The following GSE1 variants were observed in gnomAD, a reference collection of about 807,000 sequenced individuals.
The protein encoded by GSE1 is Gse1 coiled-coil protein.
In GSE1, 32 loss-of-function variants were observed where a neutral mutation model predicts 112.6. The observed-to-expected ratio is 0.28, with a 90% CI of 0.21 to 0.38. GSE1 has a LOEUF of 0.38. GSE1 is among the 10% of genes least tolerant of loss of function. The pLI is 1.00. For missense variants in GSE1, 2,348 were observed against 1,699.2 expected (o/e 1.38, Z -6.71); for synonymous variants, 1,115 against 735.6 (o/e 1.52, Z -8.35).
At chr16:85,637,837 C>T (rs2050129675) in intron 2 of GSE1, among the ~76,000 whole-genome samples, 1 of 152,222 alleles carries the variant, frequency 6.6e-6, no homozygotes, top group Admixed American at 6.5e-5. Context: ...GAGCACCAAG[C>T]CCCAGCGGGC....
chr16:85,521,309 C>A (rs962765990), intron 2 of GSE1, among the ~76,000 whole-genome samples: 1 of 152,198 alleles, frequency 6.6e-6, no homozygotes, highest in African/African-American at 2.4e-5. Flanking sequence ...AACCTCACCT[C>A]GCGCTCACCT....
intron 2 of GSE1, among the ~76,000 whole-genome samples, chr16:85,523,310 G>T (rs2052253739): frequency 6.6e-6 from 1 of 151,924 alleles, no homozygotes; most frequent in Non-Finnish European, 1.5e-5. Context: ...GCCTGTGGTT[G>T]TGCGTGCCCT....
chr16:85,634,147 C>T lies in GSE1; in HGVS notation c.226+15C>T, dbSNP rs771961427. Reference sequence around the variant, plus strand: ...GGAGCCCAGAGGTAAGGGGGCCCGCCAGGCTGCGCGTGGGGGGAGCGGCGG... The same window carrying T: ...GGAGCCCAGAGGTAAGGGGGCCCGCTAGGCTGCGCGTGGGGGGAGCGGCGG... On this transcript the variant is annotated intron_variant, in intron 2 of 15. Transcript: ENST00000253458. 21 of 1,436,340 alleles carry T rather than the reference C, an allele frequency of 1.5e-5. 1 individual carries two copies. The South Asian group carries it at 2.8e-4, about 19-fold the overall frequency. 89.0% of individuals were successfully genotyped at this position (1,436,340 alleles called of 1,614,324 possible). A position where few individuals can be genotyped will look rare whatever the true frequency, so the allele number is the denominator to read the frequency against.
Position 85,539,046 on chromosome 16 carries a change from C to T in GSE1, c.2465-94868C>T, listed in dbSNP as rs182051956. Reference sequence around the variant, plus strand: ...GTGCCCCTGCACAGTGCCAGCCCCGCGGGGCATGGCTCACCTTCCCCTGCC... The same window carrying T: ...GTGCCCCTGCACAGTGCCAGCCCCGTGGGGCATGGCTCACCTTCCCCTGCC... On this transcript the variant is annotated intron_variant, in intron 2 of 2. Coordinates refer to the GSE1 transcript ENST00000637419. Among the ~76,000 whole-genome samples the T allele has an allele frequency of 2.7e-3, 413 of 152,366 alleles. 2 individuals carry two copies. Among genetic ancestry groups the T allele is most frequent in the Middle Eastern group, 0.01 (3 of 294 alleles).
chr16:85,265,448 A>G (rs1908139390), intron 1 of GSE1, among the ~76,000 whole-genome samples: 2 of 152,088 alleles, frequency 1.3e-5, no homozygotes, highest in South Asian at 2.1e-4. Flanking sequence ...CACCCTGTGG[A>G]CCTCACTGCT....
intron 2 of GSE1, among the ~76,000 whole-genome samples, chr16:85,514,722 C>T (rs550401318): frequency 2.0e-5 from 3 of 152,268 alleles, no homozygotes; most frequent in Admixed American, 1.3e-4. Flanking sequence ...GATCACACGT[C>T]CAGGCCCCGA....
At chr16:85,239,615 G>C (rs1391631935) in intron 1 of GSE1, among the ~76,000 whole-genome samples, 1 of 152,222 alleles carries the variant, frequency 6.6e-6, no homozygotes, top group Admixed American at 6.5e-5. Context: ...CAGGAGATGA[G>C]GCTGGGAGAG....
chr16:85,290,023 G>A (rs1207683271), intron 1 of GSE1, among the ~76,000 whole-genome samples: 1 of 152,192 alleles, frequency 6.6e-6, no homozygotes, highest in Non-Finnish European at 1.5e-5. Flanking sequence ...GAAGGCCGGG[G>A]AGCAGAGGTC....
chr16:85,627,069 TTTTTTTTA>T (rs1229190024), intron 1 of GSE1, among the ~76,000 whole-genome samples: 1 of 105,876 alleles, frequency 9.4e-6, no homozygotes, highest in African/African-American at 4.3e-5. Flanking sequence ...TTTTTTTTTT[TTTTTTTTA>T]AAGCATTGTG....
chr16:85,646,762 G>T (rs996667185), intron 2 of GSE1, among the ~76,000 whole-genome samples: 2 of 152,102 alleles, frequency 1.3e-5, no homozygotes, highest in African/African-American at 4.8e-5. Context: ...CCTGGGCTTC[G>T]TCAGGCTGGG....
intron 2 of GSE1, among the ~76,000 whole-genome samples, chr16:85,492,837 C>T (rs2051053245): frequency 1.3e-5 from 2 of 152,142 alleles, no homozygotes; most frequent in Non-Finnish European, 2.9e-5. Flanking sequence ...CATGTTCATC[C>T]TAGGAGTATT....
At chr16:85,440,738 C>T (rs1384689336) in intron 2 of GSE1, among the ~76,000 whole-genome samples, 2 of 152,188 alleles carry the variant, frequency 1.3e-5, no homozygotes, top group Admixed American at 1.3e-4. Flanking sequence ...GGGGGCACAG[C>T]GCGGCCTGGA....
chr16:85,295,589 G>C (rs941455808), intron 1 of GSE1, among the ~76,000 whole-genome samples: 1 of 152,100 alleles, frequency 6.6e-6, no homozygotes, highest in South Asian at 2.1e-4. Flanking sequence ...TGTCACTTCT[G>C]TTGCACTCTC....
At chr16:85,302,474 C>G (rs966891798) in intron 1 of GSE1, among the ~76,000 whole-genome samples, 1 of 151,618 alleles carries the variant, frequency 6.6e-6, no homozygotes. Flanking sequence ...ACACACACAC[C>G]GATAGTACTG....
At chr16:85,422,343 G>T (rs999570052) in intron 2 of GSE1, among the ~76,000 whole-genome samples, 15 of 151,804 alleles carry the variant, frequency 9.9e-5, no homozygotes, top group Admixed American at 4.6e-4. Flanking sequence ...ACAGTAAGAG[G>T]CTCTGCGGGA....
chr16:85,256,528 G>C (rs570603557), intron 1 of GSE1, among the ~76,000 whole-genome samples: 189 of 152,336 alleles, frequency 1.2e-3, no homozygotes, highest in African/African-American at 4.4e-3. Flanking sequence ...GGCCGCCCAG[G>C]CACGTTCCTT....
At chr16:85,216,315 G>A (rs1467167760) in intron 1 of GSE1, among the ~76,000 whole-genome samples, 1 of 152,160 alleles carries the variant, frequency 6.6e-6, no homozygotes, top group Non-Finnish European at 1.5e-5. Flanking sequence ...GACTTGGGAG[G>A]ATCACTTGGG....
intron 2 of GSE1, among the ~76,000 whole-genome samples, chr16:85,382,717 A>G (rs893878753): frequency 6.6e-6 from 1 of 151,300 alleles, no homozygotes; most frequent in Non-Finnish European, 1.5e-5. Context: ...TCACACATGC[A>G]CACACACACA....
chr16:85,177,984 C>G (rs971414429), intron 1 of GSE1, among the ~76,000 whole-genome samples: 3 of 152,204 alleles, frequency 2.0e-5, no homozygotes, highest in African/African-American at 7.2e-5. Flanking sequence ...CAACGTGTGT[C>G]TGCCCTGGGC....
Sources: gnomAD v4.1 joint callset for allele counts (sites outside exome capture counted in the v4.1 genomes callset) on GRCh38, gnomAD v4.1.1 for gene constraint, MANE v1.5 for transcripts, NCBI Gene and HGNC (gene_info 2026-07-23, HGNC 2026-07-21) for gene names.